Variants in WNT4 observed in about 807,000 individuals in gnomAD.
WNT4 encodes the protein Wnt family member 4, also known as protein Wnt-4.
Under a neutral mutation model 34.5 loss-of-function variants are expected in WNT4, and 16 were observed. That is an observed-to-expected ratio of 0.46 (90% CI 0.31 to 0.70). WNT4 has a LOEUF of 0.70. WNT4 is among the 30% of genes least tolerant of loss of function. The pLI, the probability that WNT4 is intolerant of heterozygous loss-of-function variation, is 0.04. For missense variants in WNT4, 379 were observed against 495.9 expected (o/e 0.76, Z 2.24); for synonymous variants, 200 against 211.9 (o/e 0.94, Z 0.49).
chr1:22,142,827 C>T lies in WNT4; in HGVS notation c.77+19G>A, dbSNP rs1341391695. The T allele has an allele frequency of 1.7e-6, 2 of 1,175,878 alleles. No individual in the cohort carries two copies. The highest frequency in any genetic ancestry group is 3.3e-5 in the African/African-American group (2 of 60,580). The allele number at this position is 1,175,878 out of a possible 1,614,324, so 72.8% of individuals were successfully genotyped here. A position where few individuals can be genotyped will look rare whatever the true frequency, so the allele number is the denominator to read the frequency against. On this transcript the variant is annotated intron_variant, in intron 1 of 4. Transcript: ENST00000290167. This position sits in a 1 kb window ranked among gnomAD's most constrained non-coding sequence, Gnocchi z 6.0. ...CTGCCCCGCCCCGCCCCGCCCCGCT[C>T]GGCCCCGGCCAGACTTACAGCCAGT...
rs907312319 is a variant in WNT4, at chr1:22,134,934, C to T, written c.78-5083G>A. The stretch of plus-strand genomic sequence containing the variant: ...CTGATCATGCCTGAGAGGTGGGACA[C>T]GCTCCCCCGGGGTACAGTGGATGAC... On this transcript the variant is annotated intron_variant, in intron 1 of 4. Transcript: ENST00000290167. The surrounding 1 kb of genome is among the most constrained non-coding windows in gnomAD (Gnocchi z 4.1). Among the ~76,000 whole-genome samples the T allele has an allele frequency of 5.9e-5, 9 of 152,268 alleles. No homozygotes were observed. The highest frequency in any genetic ancestry group is 2.2e-4 in the African/African-American group (9 of 41,536).
At chr1:22,135,004 T>A (rs960451822) in intron 1 of WNT4, among the ~76,000 whole-genome samples, 2 of 152,172 alleles carry the variant, frequency 1.3e-5, no homozygotes, top group East Asian at 1.9e-4. Context: ...AGTCTCCAGA[T>A]GAAGTCTGCA....
intron 1 of WNT4, among the ~76,000 whole-genome samples, chr1:22,135,259 C>T (rs138031831): frequency 6.6e-6 from 1 of 152,332 alleles, no homozygotes; most frequent in African/African-American, 2.4e-5. Flanking sequence ...TCACGTGCTT[C>T]AGTATGTCCT....
intron 1 of WNT4, among the ~76,000 whole-genome samples, chr1:22,132,083 G>A (rs1191618987): frequency 1.3e-5 from 2 of 152,230 alleles, no homozygotes; most frequent in African/African-American, 2.4e-5. Context: ...TGCAGGGGGC[G>A]CCAAGAGCCC....
chr1:22,140,150 G>C lies in WNT4; in HGVS notation c.77+2696C>G. 1 of 982,438 alleles carries C rather than the reference G, an allele frequency of 1.0e-6. No homozygotes were observed. Among genetic ancestry groups the C allele is most frequent in the Non-Finnish European group, 1.2e-6 (1 of 827,314 alleles). The allele number at this position is 982,438 out of a possible 1,614,324, so 60.9% of individuals were successfully genotyped here. ...AGCGGAACCTAGACCTTGCTCCTTG[G>C]CAGGTGCTGTCAGCTATCCTCTCGG... On this transcript the variant is annotated intron_variant, in intron 1 of 4. Transcript: ENST00000290167. The surrounding 1 kb of genome is among the most constrained non-coding windows in gnomAD (Gnocchi z 5.9).
Position 22,142,397 on chromosome 1 carries a change from G to T in WNT4, c.77+449C>A, listed in dbSNP as rs1019338163. Among the ~76,000 whole-genome samples the T allele has an allele frequency of 6.6e-6, 1 of 152,112 alleles. No individual in the cohort carries two copies. The highest frequency in any genetic ancestry group is 1.5e-5 in the Non-Finnish European group (1 of 68,018). ...CCCAGCCCGCAGCGCGGCGCAGCTCGGCGCAGCTCGGCGCTGGGAGCTCGC... is the reference window on the plus strand; with the variant it reads ...CCCAGCCCGCAGCGCGGCGCAGCTCTGCGCAGCTCGGCGCTGGGAGCTCGC... On this transcript the variant is annotated intron_variant, in intron 1 of 4. Transcript: ENST00000290167. The surrounding 1 kb of genome is among the most constrained non-coding windows in gnomAD (Gnocchi z 6.0).
rs894161991 is a variant in WNT4 at position 22,118,369 on chromosome 1, A to C, written c.*1681T>G. On this transcript the variant is annotated 3_prime_UTR_variant, in exon 5 of 5. Transcript: ENST00000290167. ...GGGGCAGTCTGGAAAGTGGGCTTACAGCAACTTCCTCTGGTGATTGGGAGC... is the reference window on the plus strand; with the variant it reads ...GGGGCAGTCTGGAAAGTGGGCTTACCGCAACTTCCTCTGGTGATTGGGAGC... 6.6e-6 allele frequency: 1 copy of C among 152,230 alleles called. No individual in the cohort carries two copies. The highest frequency in any genetic ancestry group is 2.4e-5 in the African/African-American group (1 of 41,460). The allele number at this position is 152,230 out of a possible 1,614,324, so 9.4% of individuals were successfully genotyped here.
rs766336815 is a variant in WNT4, at chr1:22,119,223, TGTGTG to T, written c.*822_*826del. On this transcript the variant is annotated 3_prime_UTR_variant, in exon 5 of 5. Transcript: ENST00000290167. ...GTGTGTGTGTGTGTGTGTGTGTGTGTGTGTGTTTCAGTTTCATGGAGGAACAGCGC... is the reference window on the plus strand; with the variant it reads ...GTGTGTGTGTGTGTGTGTGTGTGTGTTTTCAGTTTCATGGAGGAACAGCGC... The T allele has an allele frequency of 0.012, 1,679 of 139,568 alleles. 26 individuals are homozygous for T. Among genetic ancestry groups the T allele is most frequent in the African/African-American group, 0.015 (498 of 32,978 alleles). 8.6% of individuals were successfully genotyped at this position (139,568 alleles called of 1,614,324 possible). A position where few individuals can be genotyped will look rare whatever the true frequency, so the allele number is the denominator to read the frequency against.
intron 1 of WNT4, among the ~76,000 whole-genome samples, chr1:22,136,361 A>G (rs1384576729): frequency 6.6e-6 from 1 of 152,082 alleles, no homozygotes; most frequent in African/African-American, 2.4e-5. Flanking sequence ...GTGGCCACTG[A>G]CCCATTGAAC....
In WNT4 at chr1:22,139,816, C is replaced by T. The variant is rs919351876; in HGVS notation, c.77+3030G>A. The stretch of plus-strand genomic sequence containing the variant: ...CGTGGCAGGGCAGCCTCCTTAAGGG[C>T]AGAGTCCCAGCCTTCCCCCAGGGAC... On this transcript the variant is annotated intron_variant, in intron 1 of 4. Transcript: ENST00000290167. The surrounding 1 kb of genome is among the most constrained non-coding windows in gnomAD (Gnocchi z 4.6). Among the ~76,000 whole-genome samples, 1 of 152,204 alleles carries T rather than the reference C, an allele frequency of 6.6e-6. No individual in the cohort carries two copies. The highest frequency in any genetic ancestry group is 2.4e-5 in the African/African-American group (1 of 41,454).
intron 1 of WNT4, among the ~76,000 whole-genome samples, chr1:22,138,402 G>GCCC (rs36031493): frequency 1.3e-5 from 2 of 149,268 alleles, no homozygotes; most frequent in East Asian, 2.0e-4. Context: ...GAATGATTTT[G>GCCC]CCCGCCCCCC....
Position 22,137,034 on chromosome 1 carries a change from G to GGCCCATCA in WNT4, c.77+5804_77+5811dup, listed in dbSNP as rs1322297946. On this transcript the variant is annotated intron_variant, in intron 1 of 4. Transcript: ENST00000290167. This position sits in a 1 kb window ranked among gnomAD's most constrained non-coding sequence, Gnocchi z 5.3. ...CAGTCATCTCGGGGAAGGGCCCTGA[G>GGCCCATCA]GCCCATCAGCATTCCTGCTGTTCTA... Among the ~76,000 whole-genome samples the GGCCCATCA allele has an allele frequency of 6.6e-6, 1 of 152,140 alleles. No homozygotes were observed. The highest frequency in any genetic ancestry group is 2.4e-5 in the African/African-American group (1 of 41,432).
chr1:22,124,801 T>C (rs1400828333), intron 2 of WNT4, among the ~76,000 whole-genome samples: 1 of 152,174 alleles, frequency 6.6e-6, no homozygotes, highest in Non-Finnish European at 1.5e-5. Context: ...GGACTGGCAA[T>C]GAAGCCATAG....
At chr1:22,127,436 G>C in intron 2 of WNT4, 1 of 533,384 alleles carries the variant, frequency 1.9e-6, no homozygotes. Context: ...CCTGCTTTCT[G>C]TCAGTAGATG....
At chr1:22,129,575 C>T (rs369823521) in intron 2 of WNT4, 41 bp downstream of exon 2, 28 of 1,590,376 alleles carry the variant, frequency 1.8e-5, no homozygotes, top group Non-Finnish European at 2.3e-5. Flanking sequence ...CATGCCCTGG[C>T]ACCGCAGGCT....
chr1:22,119,941 G>T lies in WNT4; in HGVS notation c.*109C>A. The T allele has an allele frequency of 7.1e-7, 1 of 1,411,294 alleles. No individual in the cohort carries two copies. The highest frequency in any genetic ancestry group is 9.6e-7 in the Non-Finnish European group (1 of 1,041,556). 87.4% of individuals were successfully genotyped at this position (1,411,294 alleles called of 1,614,324 possible). ...ACATGAGGACCCAAAAACCAAACCA[G>T]AACAAAAAATACAACCAGTATCTCT... is the stretch of plus-strand genomic sequence containing the variant. On this transcript the variant is annotated 3_prime_UTR_variant, in exon 5 of 5. Transcript: ENST00000290167.
rs1360107895 is a variant in WNT4 at position 22,120,555 on chromosome 1, TGGCAAGGGAA to T, written c.589-48_589-39del. 4 of 1,575,422 alleles carry T rather than the reference TGGCAAGGGAA, an allele frequency of 2.5e-6. No individual in the cohort carries two copies. In the African/African-American group the frequency reaches 4.1e-5, roughly 16 times the overall value. ...GTGGGGGAGAGGGGCCATCAGGAGA[TGGCAAGGGAA>T]GGCAGGGGAGGGCCGCGGAGGCTGA... On this transcript the variant is annotated intron_variant, in intron 4 of 4. Transcript: ENST00000290167.
At chr1:22,133,874 C>T (rs935116619) in intron 1 of WNT4, among the ~76,000 whole-genome samples, 1 of 152,240 alleles carries the variant, frequency 6.6e-6, no homozygotes, top group Admixed American at 6.5e-5. Flanking sequence ...CTTGCCCTGC[C>T]AGGGAGATCA....
rs1344733041 is a variant in WNT4, at chr1:22,137,765, C to T, written c.77+5081G>A. On this transcript the variant is annotated intron_variant, in intron 1 of 4. Transcript: ENST00000290167. The surrounding 1 kb of genome is among the most constrained non-coding windows in gnomAD (Gnocchi z 5.3). Reference sequence around the variant, plus strand: ...GCTGCAGTGCTGGGGGAGAAACACTCAGCCTGGCTCTCAGGGTCTGTTCCG... The same window carrying T: ...GCTGCAGTGCTGGGGGAGAAACACTTAGCCTGGCTCTCAGGGTCTGTTCCG... 6.6e-6 allele frequency among the ~76,000 whole-genome samples: 1 copy of T among 152,200 alleles called. No homozygotes were observed. The highest frequency in any genetic ancestry group is 1.9e-4 in the East Asian group (1 of 5,184).
Sources: gnomAD v4.1 joint callset for allele counts (sites outside exome capture counted in the v4.1 genomes callset) on GRCh38, gnomAD v4.1.1 for gene constraint, Gnocchi (gnomAD v3.1) non-coding constraint, MANE v1.5 for transcripts, NCBI Gene and HGNC (gene_info 2026-07-23, HGNC 2026-07-21) for gene names.